The following MYH14 variants were observed in gnomAD, a reference collection of about 807,000 sequenced individuals.
MYH14 encodes the protein myosin heavy chain 14, also known as myosin-14.
MYH14 carries 123 observed loss-of-function variants against 255.5 expected under a neutral mutation model. That is an observed-to-expected ratio of 0.48 (90% CI 0.42 to 0.56). The LOEUF (loss-of-function observed/expected upper bound fraction) is 0.56. MYH14 is among the 20% of genes least tolerant of loss of function. The pLI is 0.00. For missense variants in MYH14, 2,423 were observed against 2,802.3 expected (o/e 0.86, Z 3.06); for synonymous variants, 1,095 against 1,161.2 (o/e 0.94, Z 1.16).
Position 50,230,474 on chromosome 19 carries a change from C to G in MYH14, c.875-51C>G. ...AGGGCAGGCTCCTGTAGTGGCCTGG[C>G]AGCGTCGGGGCCGTCCCTTCCCCTC... On this transcript the variant is annotated intron_variant, in intron 8 of 42. Coordinates refer to ENST00000642316, the MANE Select transcript of MYH14 (RefSeq NM_001145809.2). The surrounding 1 kb of genome is among the most constrained non-coding windows in gnomAD (Gnocchi z 4.7). 1 of 1,496,266 alleles carries G rather than the reference C, an allele frequency of 6.7e-7. No homozygotes were observed. The highest frequency in any genetic ancestry group is 9.1e-7 in the Non-Finnish European group (1 of 1,098,300). 92.7% of individuals were successfully genotyped at this position (1,496,266 alleles called of 1,614,324 possible). A position where few individuals can be genotyped will look rare whatever the true frequency, so the allele number is the denominator to read the frequency against.
In MYH14 at chr19:50,234,484, A is replaced by T. The variant is rs560780205; in HGVS notation, c.1114+2414A>T. Among the ~76,000 whole-genome samples the T allele has an allele frequency of 5.9e-5, 9 of 152,224 alleles. No individual in the cohort carries two copies. In the East Asian group the frequency reaches 1.5e-3, roughly 26 times the overall value. On this transcript the variant is annotated intron_variant, in intron 10 of 42. Coordinates refer to ENST00000642316, the MANE Select transcript of MYH14 (RefSeq NM_001145809.2). ...TCCAGGGCCGGATTGGAAGTGCTGG[A>T]AATGGAGCGTAGCTTGGCTGTCTAC...
In MYH14 at chr19:50,291,058, G is replaced by A. The variant is rs370928889; in HGVS notation, c.5127+10G>A. The A allele has an allele frequency of 4.9e-4, 786 of 1,611,648 alleles. 6 individuals are homozygous for A. In the African/African-American group the frequency reaches 5.1e-3, roughly 10 times the overall value. On this transcript the variant is annotated intron_variant, in intron 36 of 42. Coordinates refer to ENST00000642316, the MANE Select transcript of MYH14 (RefSeq NM_001145809.2). ...GCTTCGCAAGATGCAGGTAAGAGCC[G>A]GCGTGAGCTGCAGGGAGGGGAGGCT...
At chr19:50,303,523 C>G (rs2036561622) in intron 40 of MYH14, among the ~76,000 whole-genome samples, 1 of 152,110 alleles carries the variant, frequency 6.6e-6, no homozygotes, top group Non-Finnish European at 1.5e-5. Context: ...CGCTCAGATT[C>G]AAAGGAATGG....
chr19:50,248,352 A>G (rs1302853690), intron 12 of MYH14, among the ~76,000 whole-genome samples: 4 of 151,904 alleles, frequency 2.6e-5, no homozygotes, highest in Non-Finnish European at 5.9e-5. Flanking sequence ...AGGCGGGGAG[A>G]CCTAAGGAGG....
intron 10 of MYH14, among the ~76,000 whole-genome samples, chr19:50,237,690 C>T (rs115891550): frequency 0.016 from 2,485 of 152,288 alleles, 72 homozygotes; most frequent in African/African-American, 0.056. Flanking sequence ...GCGCTAGTTT[C>T]CAGTTCCTCC....
intron 36 of MYH14, 37 bp from the exon 37 acceptor site, chr19:50,292,224 C>A: frequency 6.4e-7 from 1 of 1,558,010 alleles, no homozygotes. Flanking sequence ...TGCTGTGTGG[C>A]CAGGCTGAGC....
In MYH14 at chr19:50,230,730, T is replaced by A; in HGVS notation, c.973+107T>A. On this transcript the variant is annotated intron_variant, in intron 9 of 42. Transcript: ENST00000642316. This position sits in a 1 kb window ranked among gnomAD's most constrained non-coding sequence, Gnocchi z 4.7. The stretch of plus-strand genomic sequence containing the variant: ...CAAGAGTGGGGGGCTCTAATATCCG[T>A]CAAACACCGACTTCGCATGAGGCTC... 2.2e-6 allele frequency: 2 copies of A among 903,552 alleles called. No individual in the cohort carries two copies. Among genetic ancestry groups the A allele is most frequent in the Non-Finnish European group, 3.4e-6 (2 of 586,720 alleles). 56.0% of individuals were successfully genotyped at this position (903,552 alleles called of 1,614,324 possible).
chr19:50,263,869 C>T (rs1301952457), intron 22 of MYH14, among the ~76,000 whole-genome samples: 1 of 151,736 alleles, frequency 6.6e-6, no homozygotes, highest in African/African-American at 2.4e-5. Context: ...CCAGCCTGGC[C>T]AATATGGGGA....
intron 23 of MYH14, among the ~76,000 whole-genome samples, 166 bp downstream of exon 23, chr19:50,267,174 G>C (rs2035118378): frequency 6.6e-6 from 1 of 151,526 alleles, no homozygotes; most frequent in South Asian, 2.1e-4. Context: ...GCCGGGCGGG[G>C]ATTGGGGCTG....
In MYH14 at chr19:50,214,300, C is replaced by G. The variant is rs75107470; in HGVS notation, c.406-3315C>G. 9.9e-3 allele frequency among the ~76,000 whole-genome samples: 1,501 copies of G among 152,274 alleles called. 12 individuals are homozygous for G. The highest frequency in any genetic ancestry group is 0.014 in the Middle Eastern group (4 of 294). ...TTACAGGTGTGATTCAAACTCTGCC[C>G]TATTTAAGACCTGTGCTTAATACAT... On this transcript the variant is annotated intron_variant, in intron 2 of 42. Coordinates refer to ENST00000642316, the MANE Select transcript of MYH14 (RefSeq NM_001145809.2).
At chr19:50,249,261 T>G in intron 13 of MYH14, 122 bp downstream of exon 13, 1 of 1,164,734 alleles carries the variant, frequency 8.6e-7, no homozygotes. Flanking sequence ...TGAGTCTCTG[T>G]TCCCCCCTCT....
At chr19:50,224,048 C>CCCCCCCCCCCCCT in intron 5 of MYH14, 106 bp from the exon 6 acceptor site, 2 of 744,428 alleles carry the variant, frequency 2.7e-6, no homozygotes, top group South Asian at 1.8e-5. Flanking sequence ...GTCCCCCTTC[C>CCCCCCCCCCCCCT]CCCACCCCCC....
chr19:50,249,236 C>G, intron 13 of MYH14, 97 bp downstream of exon 13: 1 of 1,363,658 alleles, frequency 7.3e-7, no homozygotes, highest in Non-Finnish European at 9.9e-7. Flanking sequence ...TGGTCTCTGT[C>G]CCCCTCTCTC....
chr19:50,290,763 GGA>G, intron 35 of MYH14, 122 bp from the exon 36 acceptor site: 1 of 957,526 alleles, frequency 1.0e-6, no homozygotes, highest in Non-Finnish European at 1.6e-6. Context: ...AGAGAGTCAG[GGA>G]GTGAGAGGAG....
intron 39 of MYH14, among the ~76,000 whole-genome samples, chr19:50,295,648 G>A (rs2036241719): frequency 6.6e-6 from 1 of 151,978 alleles, no homozygotes; most frequent in African/African-American, 2.4e-5. Context: ...AAAATTAGCT[G>A]GGTGTGGTGG....
At chr19:50,226,375 A>G (rs1331770768) in intron 7 of MYH14, among the ~76,000 whole-genome samples, 2 of 19,842 alleles carry the variant, frequency 1.0e-4, no homozygotes, top group Admixed American at 1.3e-3. Flanking sequence ...CTGAGGGAGG[A>G]GGGGCTGGGG....
chr19:50,284,449 C>T (rs1407106070), intron 33 of MYH14, among the ~76,000 whole-genome samples: 8 of 151,816 alleles, frequency 5.3e-5, no homozygotes, highest in Admixed American at 5.3e-4. Context: ...TTACTGCAAC[C>T]TCTGCCTCCT....
intron 39 of MYH14, among the ~76,000 whole-genome samples, chr19:50,298,094 A>G (rs993938257): frequency 5.3e-5 from 8 of 152,070 alleles, no homozygotes; most frequent in African/African-American, 1.9e-4. Flanking sequence ...TGGGCCTTTT[A>G]TGGAGACGTC....
At position 50,281,657 on chromosome 19, in the gene MYH14, C is replaced by A; in HGVS notation, c.4354C>A (p.Arg1452=). 1 of 1,607,784 alleles carries A rather than the reference C, an allele frequency of 6.2e-7. No homozygotes were observed. Among genetic ancestry groups the A allele is most frequent in the Non-Finnish European group, 8.5e-7 (1 of 1,177,420 alleles). The change falls in exon 33 of 43, where the codon CGG becomes AGG. Residue 1452 remains arginine, a synonymous_variant. Transcript: ENST00000642316. The part of the protein sequence containing the change: ...AGALEAGEEA[R]RRAAREAEAL... ...GGCACTGGAGGCAGGGGAGGAGGCA[C>A]GGCGCCGGGCAGCCCGGGAGGCCGA...
Sources: gnomAD v4.1 joint callset for allele counts (sites outside exome capture counted in the v4.1 genomes callset) on GRCh38, gnomAD v4.1.1 for gene constraint, Gnocchi (gnomAD v3.1) non-coding constraint, MANE v1.5 for transcripts, NCBI Gene and HGNC (gene_info 2026-07-23, HGNC 2026-07-21) for gene names.